Variants in M1AP observed in about 807,000 individuals in gnomAD.
M1AP encodes the protein meiosis 1 arrest protein.
Under a neutral mutation model 51.2 loss-of-function variants are expected in M1AP, and 39 were observed. The ratio of observed to expected loss-of-function variants is 0.76; its 90% CI spans 0.59 to 1.00. The LOEUF (loss-of-function observed/expected upper bound fraction) is 1.00. Ranked by LOEUF, M1AP falls within the 50% of genes least tolerant of loss-of-function variation. The probability of loss-of-function intolerance (pLI) is 0.00; values close to 1 mark genes in which losing one functional copy is unlikely to be tolerated. For missense variants in M1AP, 545 were observed against 641.2 expected (o/e 0.85, Z 1.62); for synonymous variants, 251 against 249.2 (o/e 1.01, Z -0.07).
chr2:74,629,975 C>G (rs1325872115), intron 2 of M1AP, among the ~76,000 whole-genome samples: 1 of 147,122 alleles, frequency 6.8e-6, no homozygotes, highest in Non-Finnish European at 1.5e-5. Context: ...AGGCCTTGCT[C>G]TGTTGCCTAG....
chr2:74,586,001 C>A (rs1357978101), intron 4 of M1AP, among the ~76,000 whole-genome samples: 2 of 152,192 alleles, frequency 1.3e-5, no homozygotes, highest in Non-Finnish European at 2.9e-5. Context: ...TCACTTGGTA[C>A]TACTCATTAT....
intron 7 of M1AP, 62 bp from the exon 8 acceptor site, chr2:74,562,485 A>C: frequency 6.3e-7 from 1 of 1,582,746 alleles, no homozygotes. Flanking sequence ...TTTGAGGATC[A>C]GTCCCAATTG....
chr2:74,621,122 A>T (rs1441070166), intron 2 of M1AP: 4 of 151,902 alleles, frequency 2.6e-5, no homozygotes, highest in African/African-American at 9.7e-5. Context: ...TAAAAATAAA[A>T]AAAAAAAAAA....
At chr2:74,636,984 G>T (rs1192304276) in intron 2 of M1AP, among the ~76,000 whole-genome samples, 1 of 151,996 alleles carries the variant, frequency 6.6e-6, no homozygotes, top group Non-Finnish European at 1.5e-5. Context: ...TTGTGGGTTT[G>T]GAGTATTTAT....
intron 2 of M1AP, among the ~76,000 whole-genome samples, chr2:74,627,927 A>G (rs952115431): frequency 6.6e-6 from 1 of 152,210 alleles, no homozygotes; most frequent in Non-Finnish European, 1.5e-5. Context: ...GAAATAATAT[A>G]TAAACACATA....
chr2:74,622,146 A>G (rs1682087733), intron 2 of M1AP, among the ~76,000 whole-genome samples: 2 of 152,182 alleles, frequency 1.3e-5, no homozygotes, highest in Admixed American at 6.5e-5. Flanking sequence ...ACAATATAAA[A>G]AATTCAATAA....
intron 4 of M1AP, among the ~76,000 whole-genome samples, chr2:74,584,437 T>A (rs1679583453): frequency 1.4e-5 from 2 of 140,650 alleles, no homozygotes; most frequent in African/African-American, 5.4e-5. Context: ...AGTGAGACAC[T>A]GTCTCAGTTG....
chr2:74,612,080 G>A (rs1038965401), intron 3 of M1AP, among the ~76,000 whole-genome samples: 1 of 151,026 alleles, frequency 6.6e-6, no homozygotes, highest in African/African-American at 2.4e-5. Context: ...TTTTTTAGTA[G>A]AGATGGGGTT....
chr2:74,593,870 C>G (rs1361803279), intron 4 of M1AP, among the ~76,000 whole-genome samples: 1 of 152,130 alleles, frequency 6.6e-6, no homozygotes, highest in Non-Finnish European at 1.5e-5. Context: ...GAAAGAAAAG[C>G]CTTTGTCTTT....
intron 4 of M1AP, among the ~76,000 whole-genome samples, chr2:74,584,746 AGGCAGAAT>A (rs1679604599): frequency 6.7e-6 from 1 of 149,662 alleles, no homozygotes; most frequent in Non-Finnish European, 1.5e-5. Flanking sequence ...TACCCTAAGA[AGGCAGAAT>A]GGCTTATTGT....
intron 7 of M1AP, among the ~76,000 whole-genome samples, chr2:74,573,918 C>T (rs1252411070): frequency 6.6e-6 from 1 of 152,154 alleles, no homozygotes; most frequent in East Asian, 1.9e-4. Context: ...AGAAATTCCT[C>T]CCATGTGATG....
chr2:74,621,899 G>T (rs2104768271), intron 2 of M1AP, among the ~76,000 whole-genome samples: 1 of 151,374 alleles, frequency 6.6e-6, no homozygotes, highest in East Asian at 2.0e-4. Flanking sequence ...CTTGAGGTCA[G>T]GAGTTCGAGA....
chr2:74,642,889 A>G (rs961406462), intron 1 of M1AP, among the ~76,000 whole-genome samples: 1 of 152,146 alleles, frequency 6.6e-6, no homozygotes, highest in Non-Finnish European at 1.5e-5. Flanking sequence ...GTTAATTAAA[A>G]CAATCTTTTA....
intron 7 of M1AP, among the ~76,000 whole-genome samples, chr2:74,562,764 CAG>C (rs1678114012): frequency 1.3e-5 from 2 of 151,992 alleles, no homozygotes; most frequent in Non-Finnish European, 2.9e-5. Context: ...TTCTTAAAAA[CAG>C]AGTCTTGAAG....
At chr2:74,617,558 A>C (rs1051304357) in intron 2 of M1AP, among the ~76,000 whole-genome samples, 2 of 152,206 alleles carry the variant, frequency 1.3e-5, no homozygotes, top group African/African-American at 4.8e-5. Context: ...AGAGGATCAG[A>C]AAAAATAACT....
intron 2 of M1AP, among the ~76,000 whole-genome samples, chr2:74,627,828 A>G (rs371296708): frequency 2.0e-5 from 3 of 152,316 alleles, no homozygotes; most frequent in South Asian, 4.1e-4. Context: ...AGTGCATATT[A>G]AAATCTAACA....
intron 2 of M1AP, among the ~76,000 whole-genome samples, chr2:74,623,552 C>A (rs1456648161): frequency 6.6e-6 from 1 of 151,750 alleles, no homozygotes; most frequent in Non-Finnish European, 1.5e-5. Context: ...TGAGACATAC[C>A]CTCAGACATT....
At chr2:74,623,685 T>C (rs1296125022) in intron 2 of M1AP, among the ~76,000 whole-genome samples, 1 of 152,190 alleles carries the variant, frequency 6.6e-6, no homozygotes, top group Admixed American at 6.5e-5. Context: ...TAATTAATTT[T>C]TTTTGAGACA....
At chr2:74,618,283 T>C (rs140280840) in intron 2 of M1AP, among the ~76,000 whole-genome samples, 1 of 152,248 alleles carries the variant, frequency 6.6e-6, no homozygotes, top group Non-Finnish European at 1.5e-5. Flanking sequence ...ATGCAGACAG[T>C]TCACCCCAGG....
Sources: allele counts gnomAD v4.1 joint callset (sites outside exome capture counted in the v4.1 genomes callset), GRCh38; gene constraint gnomAD v4.1.1; transcripts MANE v1.5; gene names NCBI Gene and HGNC (gene_info 2026-07-23, HGNC 2026-07-21).